PTPRG: variants seen among roughly 807,000 people sequenced by gnomAD.
PTPRG encodes the protein receptor-type tyrosine-protein phosphatase gamma.
A neutral mutation model predicts 165.3 loss-of-function variants in PTPRG; 102 were observed. The observed-to-expected ratio is 0.62, with a 90% CI of 0.53 to 0.73. The LOEUF is 0.73. Among genes scored for constraint, PTPRG ranks in the 30% least tolerant of loss-of-function variants. The probability of loss-of-function intolerance (pLI) is 0.00; values close to 1 mark genes in which losing one functional copy is unlikely to be tolerated. For synonymous variants in PTPRG, 675 were observed against 669.5 expected (o/e 1.01, Z -0.13); for missense variants, 1,866 against 1,861.4 (o/e 1.00, Z -0.05).
chr3:61,977,827 G>A (rs1478496438), intron 2 of PTPRG, among the ~76,000 whole-genome samples: 4 of 152,212 alleles, frequency 2.6e-5, no homozygotes, highest in Non-Finnish European at 1.5e-5. Context: ...AATCTGTGTG[G>A]CCACTTATTT....
chr3:61,919,258 A>G (rs1559688563), intron 2 of PTPRG, among the ~76,000 whole-genome samples: 1 of 152,186 alleles, frequency 6.6e-6, no homozygotes, highest in African/African-American at 2.4e-5. Flanking sequence ...GGTTGGAGAT[A>G]CAGATGTGGT....
At chr3:62,275,823 GC>G in intron 23 of PTPRG, 49 bp from the exon 24 acceptor site, 1 of 1,379,132 alleles carries the variant, frequency 7.3e-7, no homozygotes, top group South Asian at 1.3e-5. Flanking sequence ...TCAAGCAAAT[GC>G]TATCAATTAT....
At chr3:61,909,821 A>G (rs908569528) in intron 2 of PTPRG, among the ~76,000 whole-genome samples, 1 of 152,246 alleles carries the variant, frequency 6.6e-6, no homozygotes. Context: ...GTATTTGTAT[A>G]CAATAATATA....
chr3:61,887,495 C>T (rs1220507100), intron 2 of PTPRG, among the ~76,000 whole-genome samples: 1 of 151,986 alleles, frequency 6.6e-6, no homozygotes, highest in African/African-American at 2.4e-5. Context: ...GCTAGGAAAA[C>T]AAAACAAAAA....
At chr3:61,958,530 C>T (rs905364485) in intron 2 of PTPRG, among the ~76,000 whole-genome samples, 4 of 152,170 alleles carry the variant, frequency 2.6e-5, no homozygotes, top group Non-Finnish European at 4.4e-5. Context: ...TGCTGCCTCT[C>T]CTATGAAGCC....
chr3:61,869,063 T>G (rs1437931424), intron 2 of PTPRG, among the ~76,000 whole-genome samples: 1 of 152,156 alleles, frequency 6.6e-6, no homozygotes. Context: ...CCGTTCCCCA[T>G]GGTCTAATCT....
At chr3:62,003,712 TG>T (rs2041228023) in intron 4 of PTPRG, among the ~76,000 whole-genome samples, 2 of 152,360 alleles carry the variant, frequency 1.3e-5, no homozygotes, top group South Asian at 4.1e-4. Context: ...ACAGGCATCA[TG>T]GTTTGAGTAG....
At chr3:61,773,170 T>C (rs1229961703) in intron 2 of PTPRG, among the ~76,000 whole-genome samples, 1 of 152,150 alleles carries the variant, frequency 6.6e-6, no homozygotes, top group African/African-American at 2.4e-5. Context: ...GTTGAATGTA[T>C]GCAATAAATT....
chr3:62,124,553 C>T lies in PTPRG; in HGVS notation c.616-8049C>T, dbSNP rs1482659587. On this transcript the variant is annotated intron_variant, in intron 5 of 29. Transcript: ENST00000474889. ...GGTTTTGCTCTGGGAGATGCCCAGG[C>T]GGTGGTCCAACAGGCTGTTTTTCCT... 1.7e-5 allele frequency: 24 copies of T among 1,415,514 alleles called. No individual in the cohort carries two copies. In the East Asian group the frequency reaches 2.3e-4, roughly 13 times the overall value. The allele number at this position is 1,415,514 out of a possible 1,614,324, so 87.7% of individuals were successfully genotyped here.
At chr3:61,887,170 A>ATATATATATTTTTTTTTTT (rs60282456) in intron 2 of PTPRG, among the ~76,000 whole-genome samples, 1 of 115,524 alleles carries the variant, frequency 8.7e-6, no homozygotes, top group African/African-American at 3.3e-5. Context: ...ATATATATAT[A>ATATATATATTTTTTTTTTT]TTTTTAATGC....
chr3:61,723,467 T>C (rs2032132811), intron 1 of PTPRG, among the ~76,000 whole-genome samples: 3 of 152,224 alleles, frequency 2.0e-5, no homozygotes. Context: ...TTTCATTGTC[T>C]TTAAATATAT....
At chr3:61,731,279 G>A (rs1162237769) in intron 1 of PTPRG, among the ~76,000 whole-genome samples, 2 of 151,802 alleles carry the variant, frequency 1.3e-5, no homozygotes, top group East Asian at 1.9e-4. Flanking sequence ...GACTAGTTTT[G>A]TTCTTGGGGA....
chr3:61,794,480 A>G (rs995389662), intron 2 of PTPRG, among the ~76,000 whole-genome samples: 11 of 152,204 alleles, frequency 7.2e-5, no homozygotes, highest in Non-Finnish European at 8.8e-5. Flanking sequence ...CATACCGCCC[A>G]TGCCTTCCGA....
rs371762103 is a variant in PTPRG at position 62,273,057 on chromosome 3, G to C, written c.3294G>C (p.Gln1098His). ...VLGFLKHIRT[Q>H]RNYLVQTEEQ... is the part of the protein sequence containing the mutation. The stretch of plus-strand genomic sequence containing the variant: ...GATTCCTGAAGCATATCAGGACACA[G>C]CGTAACTACCTCGTCCAGACTGAGG... Residue 1098 changes from glutamine (Q) to histidine (H), a missense_variant, in exon 22 of 30, where the codon CAG becomes CAC. Around this residue, in one of 3 missense-constraint regions of PTPRG, gnomAD observed 1,452 missense variants for 1,463.0 expected, o/e 0.99. Coordinates refer to ENST00000474889, the MANE Select transcript of PTPRG (RefSeq NM_002841.4). The surrounding 1 kb of genome is among the most constrained non-coding windows in gnomAD (Gnocchi z 4.1). 92 of 1,613,256 alleles carry C rather than the reference G, an allele frequency of 5.7e-5. No homozygotes were observed. Among genetic ancestry groups the C allele is most frequent in the Non-Finnish European group, 7.6e-5 (90 of 1,179,664 alleles).
chr3:61,891,755 G>A (rs1164974854), intron 2 of PTPRG, among the ~76,000 whole-genome samples: 1 of 152,198 alleles, frequency 6.6e-6, no homozygotes, highest in East Asian at 1.9e-4. Context: ...AGTACTTCCT[G>A]AAATATTTTT....
intron 1 of PTPRG, among the ~76,000 whole-genome samples, chr3:61,630,779 G>A (rs528926807): frequency 6.3e-4 from 96 of 152,094 alleles, no homozygotes; most frequent in Admixed American, 1.9e-3. Flanking sequence ...TATTTTTAGC[G>A]GGGCGCGGTG....
At chr3:62,155,113 CT>C (rs1041539687) in intron 6 of PTPRG, among the ~76,000 whole-genome samples, 8 of 152,206 alleles carry the variant, frequency 5.3e-5, no homozygotes, top group African/African-American at 7.2e-5. Flanking sequence ...TATTTCTAGC[CT>C]TTTGTACAGC....
At chr3:62,238,916 T>C (rs1017887139) in intron 14 of PTPRG, among the ~76,000 whole-genome samples, 2 of 152,126 alleles carry the variant, frequency 1.3e-5, no homozygotes, top group African/African-American at 4.8e-5. Flanking sequence ...GATAACTAAT[T>C]TGGGTCATTA....
chr3:62,277,774 A>T, intron 26 of PTPRG, 95 bp downstream of exon 26: 1 of 1,467,604 alleles, frequency 6.8e-7, no homozygotes, highest in South Asian at 1.3e-5. Context: ...GTATCCATAT[A>T]TGCTAGGGAG....
Sources: allele counts gnomAD v4.1 joint callset (sites outside exome capture counted in the v4.1 genomes callset), GRCh38; gene constraint gnomAD v4.1.1; regional missense constraint gnomAD v4.1.1; non-coding constraint Gnocchi (gnomAD v3.1); transcripts MANE v1.5; gene names NCBI Gene and HGNC (gene_info 2026-07-23, HGNC 2026-07-21).